Variants in SLC9A8 observed in about 807,000 individuals in gnomAD.
The protein encoded by SLC9A8 is solute carrier family 9 member A8.
A neutral mutation model predicts 66.6 loss-of-function variants in SLC9A8; 48 were observed. That is an observed-to-expected ratio of 0.72 (90% CI 0.57 to 0.92). The LOEUF is 0.92. Among genes scored for constraint, SLC9A8 ranks in the 40% least tolerant of loss-of-function variants. The pLI, the probability that SLC9A8 is intolerant of heterozygous loss-of-function variation, is 0.00. For missense variants in SLC9A8, 599 were observed against 747.3 expected, an observed-to-expected ratio of 0.80 and a Z score of 2.31; for synonymous variants, 274 against 282.6, an observed-to-expected ratio of 0.97 and a Z score of 0.31.
chr20:49,836,037 A>T (rs1191412647), intron 3 of SLC9A8, among the ~76,000 whole-genome samples: 2 of 151,964 alleles, frequency 1.3e-5, no homozygotes, highest in Admixed American at 6.6e-5. Flanking sequence ...CACCACAGTC[A>T]ATTTTAGGAC....
In SLC9A8 at chr20:49,829,640, A is replaced by C. The variant is rs914377689; in HGVS notation, c.289+6499A>C. 11 of 450,446 alleles carry C rather than the reference A, an allele frequency of 2.4e-5. 1 individual carries two copies. The Middle Eastern group carries it at 1.1e-3, about 43-fold the overall frequency. The allele number at this position is 450,446 out of a possible 1,614,324, so 27.9% of individuals were successfully genotyped here. ...AGCCATATCATGCTCATAAAGAGGA[A>C]ATGATAAAGATTCACAAGGGTAAAC... On this transcript the variant is annotated intron_variant, in intron 3 of 15. Coordinates refer to ENST00000361573, the MANE Select transcript of SLC9A8 (RefSeq NM_015266.3).
chr20:49,822,301 A>G (rs1442619791), intron 2 of SLC9A8, among the ~76,000 whole-genome samples: 24 of 151,532 alleles, frequency 1.6e-4, no homozygotes, highest in Non-Finnish European at 8.8e-5. Context: ...ACATGATGGC[A>G]AAATAATTTG....
intron 2 of SLC9A8, among the ~76,000 whole-genome samples, chr20:49,819,075 C>G (rs1051836211): frequency 6.6e-6 from 1 of 152,120 alleles, no homozygotes; most frequent in Non-Finnish European, 1.5e-5. Context: ...TTTTTAGAAG[C>G]TTGAAATCAG....
At chr20:49,857,158 G>A (rs1056881944) in intron 8 of SLC9A8, among the ~76,000 whole-genome samples, 7 of 151,994 alleles carry the variant, frequency 4.6e-5, no homozygotes, top group East Asian at 1.9e-4. Flanking sequence ...CCACCTTCCC[G>A]CAAAAAACTC....
rs529823119 is a variant in SLC9A8, at chr20:49,865,662, C to T, written c.958+818C>T. Reference sequence around the variant, plus strand: ...AGCGTAATGATCTTGGAGCCGTCACCTGGTAATCACTCAGCAGCCCAATCA... The same window carrying T: ...AGCGTAATGATCTTGGAGCCGTCACTTGGTAATCACTCAGCAGCCCAATCA... On this transcript the variant is annotated intron_variant, in intron 10 of 15. Coordinates refer to ENST00000361573, the MANE Select transcript of SLC9A8 (RefSeq NM_015266.3). Among the ~76,000 whole-genome samples the T allele has an allele frequency of 2.9e-3, 448 of 152,316 alleles. 2 individuals carry two copies. The highest frequency in any genetic ancestry group is 5.2e-3 in the South Asian group (25 of 4,828).
chr20:49,828,106 G>T (rs2086993288), intron 3 of SLC9A8, among the ~76,000 whole-genome samples: 2 of 119,634 alleles, frequency 1.7e-5, no homozygotes, highest in African/African-American at 3.3e-5. Flanking sequence ...TTGAGATAGA[G>T]TTTCACTTTT....
At chr20:49,825,457 A>G (rs1290482226) in intron 3 of SLC9A8, among the ~76,000 whole-genome samples, 1 of 152,154 alleles carries the variant, frequency 6.6e-6, no homozygotes, top group African/African-American at 2.4e-5. Flanking sequence ...CCTGGCCAAC[A>G]TGGTGAAACC....
At chr20:49,830,915 T>C in intron 3 of SLC9A8, 1 of 895,482 alleles carries the variant, frequency 1.1e-6, no homozygotes, top group Admixed American at 1.7e-5. Context: ...ACTTTAAGCC[T>C]GATTTCTACT....
intron 12 of SLC9A8, among the ~76,000 whole-genome samples, chr20:49,879,021 C>A (rs1267578217): frequency 6.6e-6 from 1 of 150,522 alleles, no homozygotes; most frequent in Non-Finnish European, 1.5e-5. Context: ...GAAAGTCCAT[C>A]TCAAAAAAAA....
chr20:49,887,038 C>G, intron 15 of SLC9A8, 140 bp downstream of exon 15: 1 of 867,972 alleles, frequency 1.2e-6, no homozygotes, highest in Admixed American at 2.7e-5. Context: ...GCCTCCCGAT[C>G]TGGAGGCTGG....
At position 49,815,117 on chromosome 20, in the gene SLC9A8, C is replaced by T. The variant is rs766935279; in HGVS notation, c.136C>T (p.Gln46Ter). The change falls in exon 2 of 16, where the codon CAG (glutamine) becomes TAG (stop). Residue 46 changes from glutamine (Q) to a stop codon, truncating the protein, a stop_gained. Transcript: ENST00000361573. LOFTEE classifies it high-confidence loss of function. The stretch of plus-strand genomic sequence containing the variant: ...CCCTGGCAAGCCCATCCTCCCCGTG[C>T]AGACAGGGGAGCAGGCCCAGCAAGA... ...PTPGKPILPV[Q>*]TGEQAQQEEQ... 6.2e-7 allele frequency: 1 copy of T among 1,608,894 alleles called. No homozygotes were observed. Among genetic ancestry groups the T allele is most frequent in the Non-Finnish European group, 8.5e-7 (1 of 1,177,782 alleles).
Position 49,884,338 on chromosome 20 carries a change from C to CACACACACACACACA in SLC9A8, c.1491+272_1491+273insACACACACACACACA, listed in dbSNP as rs1600823664. ...CACACACACACACACACACACACAC[C>CACACACACACACACA]CCCCGGTCATCCCCCCTGAGAAGGA... is the stretch of plus-strand genomic sequence containing the variant. On this transcript the variant is annotated intron_variant, in intron 14 of 15. Transcript: ENST00000361573. 7.2e-3 allele frequency among the ~76,000 whole-genome samples: 321 copies of CACACACACACACACA among 44,558 alleles called. 106 individuals are homozygous for CACACACACACACACA. The highest frequency in any genetic ancestry group is 0.024 in the Middle Eastern group (2 of 82). The allele number at this position is 44,558 out of a possible 152,430, so 29.2% of individuals were successfully genotyped here. A position where few individuals can be genotyped will look rare whatever the true frequency, so the allele number is the denominator to read the frequency against.
Position 49,886,754 on chromosome 20 carries a change from C to T in SLC9A8, c.1494C>T (p.Gly498=). 2 of 1,613,766 alleles carry T rather than the reference C, an allele frequency of 1.2e-6. No homozygotes were observed. Among genetic ancestry groups the T allele is most frequent in the Non-Finnish European group, 1.7e-6 (2 of 1,179,804 alleles). ...GGCCGCCTTTCCTCCCTGCTCAGGG[C>T]AACACTGTGGAGTCGGAGCACCTGT... ...DVNLSKTEKM[G]NTVESEHLSE... Residue 498 remains glycine, a splice_region_variant and synonymous_variant, in exon 15 of 16, where the codon GGC becomes GGT. Transcript: ENST00000361573. This position sits in a 1 kb window ranked among gnomAD's most constrained non-coding sequence, Gnocchi z 4.8.
chr20:49,823,009 A>G (rs1048927896), intron 2 of SLC9A8, 52 bp from the exon 3 acceptor site: 2 of 1,449,444 alleles, frequency 1.4e-6, no homozygotes, highest in Admixed American at 1.7e-5. Context: ...GGTGTTTATC[A>G]TTCAGAATTG....
At chr20:49,844,604 C>T (rs888856856) in intron 4 of SLC9A8, among the ~76,000 whole-genome samples, 13 of 129,364 alleles carry the variant, frequency 1.0e-4, no homozygotes, top group South Asian at 8.2e-4. Flanking sequence ...GGCAACATAG[C>T]GGGACCCTGT....
At chr20:49,853,795 G>A (rs2088349912) in intron 7 of SLC9A8, among the ~76,000 whole-genome samples, 1 of 152,232 alleles carries the variant, frequency 6.6e-6, no homozygotes, top group Non-Finnish European at 1.5e-5. Context: ...GACAGGCGAA[G>A]TCTGGGAACT....
At chr20:49,826,297 C>T (rs2086909526) in intron 3 of SLC9A8, among the ~76,000 whole-genome samples, 2 of 152,276 alleles carry the variant, frequency 1.3e-5, no homozygotes, top group Non-Finnish European at 2.9e-5. Flanking sequence ...ACGTTTTTCT[C>T]CAGCTGGAGC....
At chr20:49,817,754 T>C (rs1262101417) in intron 2 of SLC9A8, among the ~76,000 whole-genome samples, 1 of 152,222 alleles carries the variant, frequency 6.6e-6, no homozygotes, top group Non-Finnish European at 1.5e-5. Flanking sequence ...AAGTATACAA[T>C]GTCTCATATA....
At chr20:49,854,919 T>C (rs1284311583) in intron 7 of SLC9A8, among the ~76,000 whole-genome samples, 1 of 152,204 alleles carries the variant, frequency 6.6e-6, no homozygotes, top group Non-Finnish European at 1.5e-5. Context: ...AGTTGGGAGA[T>C]GGCCTCAGTG....
Sources: allele counts gnomAD v4.1 joint callset (sites outside exome capture counted in the v4.1 genomes callset), GRCh38; gene constraint gnomAD v4.1.1; non-coding constraint Gnocchi (gnomAD v3.1); transcripts MANE v1.5; gene names NCBI Gene and HGNC (gene_info 2026-07-23, HGNC 2026-07-21).